Variants in ZFAT observed in about 807,000 individuals in gnomAD.
ZFAT encodes the protein zinc finger protein ZFAT.
ZFAT carries 64 observed loss-of-function variants against 117.7 expected under a neutral mutation model. That is an observed-to-expected ratio of 0.54 (90% CI 0.44 to 0.67). The LOEUF (loss-of-function observed/expected upper bound fraction) is 0.67, where lower values mean the gene tolerates loss of function less well. ZFAT is among the 30% of genes least tolerant of loss of function. ZFAT has a pLI of 0.00. For missense variants in ZFAT, 1,433 were observed against 1,584.5 expected, an observed-to-expected ratio of 0.90 and a Z score of 1.62; for synonymous variants, 679 against 615.0, an observed-to-expected ratio of 1.10 and a Z score of -1.54.
Position 134,637,395 on chromosome 8 carries a change from A to ACCTGAT in ZFAT, c.448+60_448+65dup, listed in dbSNP as rs1830281567. 3.2e-6 allele frequency: 5 copies of ACCTGAT among 1,550,356 alleles called. No homozygotes were observed. The South Asian group carries it at 3.7e-5, about 11-fold the overall frequency. On this transcript the variant is annotated intron_variant, in intron 3 of 15. Coordinates refer to ENST00000377838, the MANE Select transcript of ZFAT (RefSeq NM_020863.4). ...TCCAAGTAAAAACTGACCCAGTGAA[A>ACCTGAT]CCTGATATTAGCAGATACACCTCTT... is the stretch of plus-strand genomic sequence containing the variant.
rs1249412659 is a variant in ZFAT, at chr8:134,593,177, A to G, written c.2476-2822T>C. ...ATCATCAGAGTTGATGGAGGCATTC[A>G]GAAGGGCTTTGCAGGAGTTTACGGT... is the stretch of plus-strand genomic sequence containing the variant. On this transcript the variant is annotated intron_variant, in intron 7 of 15. Coordinates refer to ENST00000377838, the MANE Select transcript of ZFAT (RefSeq NM_020863.4). Among the ~76,000 whole-genome samples, 3 of 152,220 alleles carry G rather than the reference A, an allele frequency of 2.0e-5. No homozygotes were observed. In the East Asian group the frequency reaches 5.8e-4, roughly 29 times the overall value.
chr8:134,568,272 G>C (rs1022393415), intron 10 of ZFAT, among the ~76,000 whole-genome samples: 4 of 152,132 alleles, frequency 2.6e-5, no homozygotes, highest in African/African-American at 9.7e-5. Context: ...TTTTTCACTT[G>C]TAAGTCACAC....
At chr8:134,701,679 G>A (rs771934208) in intron 1 of ZFAT, among the ~76,000 whole-genome samples, 16 of 152,208 alleles carry the variant, frequency 1.1e-4, no homozygotes, top group Non-Finnish European at 1.9e-4. Flanking sequence ...GTTGTCTTTT[G>A]TGTCTGGCTT....
At chr8:134,592,234 C>T (rs1034428318) in intron 7 of ZFAT, among the ~76,000 whole-genome samples, 3 of 152,170 alleles carry the variant, frequency 2.0e-5, no homozygotes, top group Non-Finnish European at 4.4e-5. Flanking sequence ...TGCTCCCCAC[C>T]GGGCAGTCTA....
At chr8:134,660,005 A>G (rs751788568) in intron 1 of ZFAT, among the ~76,000 whole-genome samples, 2 of 152,212 alleles carry the variant, frequency 1.3e-5, no homozygotes, top group Non-Finnish European at 2.9e-5. Flanking sequence ...CTGCCAATCG[A>G]TATTATTTTT....
chr8:134,524,428 A>G (rs1820878676), intron 12 of ZFAT, among the ~76,000 whole-genome samples: 1 of 152,236 alleles, frequency 6.6e-6, no homozygotes. Flanking sequence ...TATTCAAAAT[A>G]ATTACTGAAA....
the ZFAT span, among the ~76,000 whole-genome samples, chr8:134,768,378 C>A: frequency 6.6e-6 from 1 of 152,194 alleles, no homozygotes; most frequent in Admixed American, 6.5e-5. Context: ...GCTCCCCTGA[C>A]CAGTTGTTCC....
chr8:134,737,009 G>A, the ZFAT span, among the ~76,000 whole-genome samples: 1 of 152,186 alleles, frequency 6.6e-6, no homozygotes, highest in Non-Finnish European at 1.5e-5. Flanking sequence ...GGCCAGGCGT[G>A]GTGGCTCACG....
chr8:134,580,423 C>T (rs544725185), intron 10 of ZFAT, among the ~76,000 whole-genome samples: 3 of 152,196 alleles, frequency 2.0e-5, no homozygotes, highest in Non-Finnish European at 2.9e-5. Flanking sequence ...AACCAAGGCA[C>T]CTGCACAAGC....
chr8:134,780,365 C>T, the ZFAT span, among the ~76,000 whole-genome samples: 7 of 152,192 alleles, frequency 4.6e-5, no homozygotes, highest in Admixed American at 4.6e-4. Flanking sequence ...ATCACTCTCC[C>T]TTGCTAGCAA....
intron 8 of ZFAT, among the ~76,000 whole-genome samples, chr8:134,589,412 C>T (rs577918393): frequency 2.0e-5 from 3 of 152,256 alleles, no homozygotes; most frequent in African/African-American, 7.2e-5. Context: ...TTCCCTTATA[C>T]CAAGAGCAAA....
intron 11 of ZFAT, 23 bp from the exon 12 acceptor site, chr8:134,532,995 T>A: frequency 6.3e-7 from 1 of 1,584,128 alleles, no homozygotes; most frequent in South Asian, 1.2e-5. Context: ...TGAGGAGGGG[T>A]TAGGAAAGGT....
At chr8:134,497,328 C>T (rs1818522747) in intron 15 of ZFAT, among the ~76,000 whole-genome samples, 1 of 152,262 alleles carries the variant, frequency 6.6e-6, no homozygotes, top group African/African-American at 2.4e-5. Flanking sequence ...GAACAGCATC[C>T]TCTGTGAGCC....
chr8:134,606,522 C>G (rs775841992), intron 5 of ZFAT, among the ~76,000 whole-genome samples: 3 of 152,054 alleles, frequency 2.0e-5, no homozygotes, highest in Non-Finnish European at 4.4e-5. Flanking sequence ...CAAGAACAGC[C>G]TGGCCAACAT....
chr8:134,514,971 C>G lies in ZFAT; in HGVS notation c.3235-2370G>C, dbSNP rs563131166. ...CTATCCCTCCCCTAGCCCTCCACCC[C>G]CAACAGGCCCTGGTGTGTGACGTTC... On this transcript the variant is annotated intron_variant, in intron 13 of 15. Coordinates refer to ENST00000377838, the MANE Select transcript of ZFAT (RefSeq NM_020863.4). Among the ~76,000 whole-genome samples the G allele has an allele frequency of 3.5e-4, 54 of 152,160 alleles. 1 individual carries two copies. The highest frequency in any genetic ancestry group is 5.9e-4 in the Non-Finnish European group (40 of 68,036).
intron 10 of ZFAT, among the ~76,000 whole-genome samples, chr8:134,572,260 G>A (rs150582459): frequency 1.1e-3 from 167 of 152,284 alleles, no homozygotes; most frequent in African/African-American, 3.9e-3. Flanking sequence ...GATTTTTAAA[G>A]AATCATTTAT....
chr8:134,791,504 G>A, the ZFAT span, among the ~76,000 whole-genome samples: 1 of 152,134 alleles, frequency 6.6e-6, no homozygotes, highest in Non-Finnish European at 1.5e-5. Context: ...TCTGGCAGCT[G>A]GGATTTCCTT....
chr8:134,610,372 A>C, intron 4 of ZFAT, 98 bp downstream of exon 4: 1 of 1,316,610 alleles, frequency 7.6e-7, no homozygotes, highest in Non-Finnish European at 1.0e-6. Flanking sequence ...CCACCAATGC[A>C]CCAGCTCTGT....
At chr8:134,573,685 CTGTTCA>C (rs1272751268) in intron 10 of ZFAT, among the ~76,000 whole-genome samples, 1 of 152,230 alleles carries the variant, frequency 6.6e-6, no homozygotes, top group African/African-American at 2.4e-5. Context: ...TCCATTGTTT[CTGTTCA>C]TCTCTCCAAA....
Sources: gnomAD v4.1 joint callset for allele counts (sites outside exome capture counted in the v4.1 genomes callset) on GRCh38, gnomAD v4.1.1 for gene constraint, MANE v1.5 for transcripts, NCBI Gene and HGNC (gene_info 2026-07-23, HGNC 2026-07-21) for gene names.